Variants in WFDC8 observed in about 807,000 individuals in gnomAD.
WFDC8 encodes the protein WAP four-disulfide core domain 8.
A neutral mutation model predicts 27.0 loss-of-function variants in WFDC8; 24 were observed. The ratio of observed to expected loss-of-function variants is 0.89; its 90% CI spans 0.64 to 1.25. WFDC8 has a LOEUF of 1.25. Among genes scored for constraint, WFDC8 ranks in the 50% most tolerant of loss-of-function variants. The pLI is 0.00. For synonymous variants in WFDC8, 106 were observed against 99.7 expected (o/e 1.06, Z -0.38); for missense variants, 287 against 295.9 (o/e 0.97, Z 0.22).
intron 2 of WFDC8, among the ~76,000 whole-genome samples, chr20:45,561,155 T>C (rs1980452986): frequency 6.6e-6 from 1 of 152,206 alleles, no homozygotes. Context: ...CTTGTGTGTA[T>C]AAGCATACCT....
intron 4 of WFDC8, among the ~76,000 whole-genome samples, chr20:45,555,283 C>A (rs1980196721): frequency 6.6e-6 from 1 of 152,212 alleles, no homozygotes; most frequent in Admixed American, 6.5e-5. Context: ...CTACTCTCCA[C>A]CTCCAGTGTG....
chr20:45,554,789 G>A (rs2145561706), intron 4 of WFDC8, among the ~76,000 whole-genome samples: 1 of 152,286 alleles, frequency 6.6e-6, no homozygotes, highest in Middle Eastern at 3.4e-3. Flanking sequence ...TGGGTCCATG[G>A]AATTAAAATT....
intron 3 of WFDC8, among the ~76,000 whole-genome samples, chr20:45,557,055 C>T (rs1214784644): frequency 6.6e-6 from 1 of 152,218 alleles, no homozygotes; most frequent in Non-Finnish European, 1.5e-5. Context: ...GTGCCTGCAG[C>T]CAGCATTCGT....
chr20:45,555,989 A>AG, intron 3 of WFDC8, 121 bp from the exon 4 acceptor site: 3 of 1,020,716 alleles, frequency 2.9e-6, no homozygotes, highest in Non-Finnish European at 4.3e-6. Context: ...GAGCCATGGC[A>AG]GGGGAAAAAA....
intron 4 of WFDC8, among the ~76,000 whole-genome samples, chr20:45,554,668 A>G (rs1047871030): frequency 6.6e-6 from 1 of 152,054 alleles, no homozygotes; most frequent in Non-Finnish European, 1.5e-5. Context: ...CTGGGAGAGG[A>G]GACAAGGCTC....
chr20:45,562,349 G>T, intron 1 of WFDC8, 130 bp from the exon 2 acceptor site: 1 of 715,122 alleles, frequency 1.4e-6, no homozygotes, highest in South Asian at 1.7e-5. Context: ...ACACCAGCAT[G>T]GGGAAGGAGT....
intron 1 of WFDC8, among the ~76,000 whole-genome samples, chr20:45,572,254 G>A (rs369081250): frequency 3.9e-5 from 6 of 152,054 alleles, no homozygotes; most frequent in African/African-American, 1.2e-4. Context: ...AAAAGTAGCC[G>A]GGCGTGGTGG....
intron 1 of WFDC8, among the ~76,000 whole-genome samples, chr20:45,569,503 A>G (rs1980795588): frequency 6.6e-6 from 1 of 152,212 alleles, no homozygotes; most frequent in Non-Finnish European, 1.5e-5. Flanking sequence ...CTGGAGTCTC[A>G]TGGTCACAGT....
At chr20:45,569,084 A>G (rs1226406176) in intron 1 of WFDC8, among the ~76,000 whole-genome samples, 1 of 152,154 alleles carries the variant, frequency 6.6e-6, no homozygotes, top group East Asian at 1.9e-4. Context: ...AGAATTTCCA[A>G]ATCCAATCCT....
intron 1 of WFDC8, among the ~76,000 whole-genome samples, chr20:45,567,458 A>T (rs1980719168): frequency 1.3e-5 from 2 of 152,240 alleles, no homozygotes; most frequent in East Asian, 3.8e-4. Flanking sequence ...TCAAAGTGAC[A>T]TGCAGACATG....
At chr20:45,570,168 C>T (rs766807579) in intron 1 of WFDC8, among the ~76,000 whole-genome samples, 23 of 151,848 alleles carry the variant, frequency 1.5e-4, no homozygotes, top group African/African-American at 4.4e-4. Flanking sequence ...AGTCTGCACA[C>T]GTACCCATGA....
chr20:45,572,175 C>T (rs906384912), intron 1 of WFDC8, among the ~76,000 whole-genome samples: 1 of 152,088 alleles, frequency 6.6e-6, no homozygotes, highest in African/African-American at 2.4e-5. Flanking sequence ...CCGAGGCGGG[C>T]GGATCTCATC....
chr20:45,571,220 C>T (rs955254303), intron 1 of WFDC8, among the ~76,000 whole-genome samples: 1 of 151,970 alleles, frequency 6.6e-6, no homozygotes, highest in Non-Finnish European at 1.5e-5. Flanking sequence ...ATTTGCCTTT[C>T]TTTTTCCAAC....
Position 45,558,987 on chromosome 20 carries a change from G to A in WFDC8, c.142C>T (p.Pro48Ser), listed in dbSNP as rs144046015. The A allele has an allele frequency of 4.6e-4, 748 of 1,613,702 alleles. 4 individuals are homozygous for A. The African/African-American group carries it at 9.0e-3, about 19-fold the overall frequency. The change falls in exon 3 of 6, where the codon CCA (proline) becomes TCA (serine). Residue 48 changes from proline (P) to serine (S), a missense_variant. Physicochemically the swap from Pro to Ser is moderately conservative, Grantham distance 74. Coordinates refer to ENST00000289953, the MANE Select transcript of WFDC8 (RefSeq NM_130896.3). ...AGCCTCTCTTTGGGACATAACCCTG[G>A]TTTGTCTGCAAGAAAGAAATGTCCA... is the stretch of plus-strand genomic sequence containing the variant. ...AMLTKKIKHK[P>S]GLCPKERLTC...
chr20:45,571,570 T>C (rs987821280), intron 1 of WFDC8, among the ~76,000 whole-genome samples: 1 of 152,188 alleles, frequency 6.6e-6, no homozygotes, highest in Non-Finnish European at 1.5e-5. Context: ...CAGAGACTTC[T>C]TTCCTTTGTC....
intron 1 of WFDC8, among the ~76,000 whole-genome samples, chr20:45,564,847 G>A (rs1217516728): frequency 7.0e-6 from 1 of 141,990 alleles, no homozygotes; most frequent in Non-Finnish European, 1.5e-5. Flanking sequence ...GTGGAGGAAG[G>A]GAAAGGAAAG....
chr20:45,569,923 C>T (rs1180684496), intron 1 of WFDC8, among the ~76,000 whole-genome samples: 1 of 152,152 alleles, frequency 6.6e-6, no homozygotes, highest in Non-Finnish European at 1.5e-5. Flanking sequence ...CCTTAGCAAA[C>T]TAATGCAGGA....
chr20:45,555,649 A>G (rs1980212287), intron 4 of WFDC8, 52 bp downstream of exon 4: 1 of 1,594,548 alleles, frequency 6.3e-7, no homozygotes, highest in East Asian at 2.2e-5. Context: ...CCTCATTGGT[A>G]TACTATTTCT....
chr20:45,575,878 T>C (rs1376795106), intron 1 of WFDC8, among the ~76,000 whole-genome samples: 2 of 151,198 alleles, frequency 1.3e-5, no homozygotes, highest in Non-Finnish European at 3.0e-5. Flanking sequence ...CCCCATAGCA[T>C]AGCATGTTCT....
Sources: allele counts gnomAD v4.1 joint callset (sites outside exome capture counted in the v4.1 genomes callset), GRCh38; gene constraint gnomAD v4.1.1; transcripts MANE v1.5; gene names NCBI Gene and HGNC (gene_info 2026-07-23, HGNC 2026-07-21).